SH3BP5: variants seen among roughly 807,000 people sequenced by gnomAD.
SH3BP5 encodes SH3 domain-binding protein 5.
In SH3BP5, 22 loss-of-function variants were observed where a neutral mutation model predicts 43.3. The ratio of observed to expected loss-of-function variants is 0.51; its 90% CI spans 0.36 to 0.73. SH3BP5 has a LOEUF of 0.73. Among genes scored for constraint, SH3BP5 ranks in the 30% least tolerant of loss-of-function variants. The pLI is 0.00. For synonymous variants in SH3BP5, 255 were observed against 225.8 expected (o/e 1.13, Z -1.16); for missense variants, 529 against 586.9 (o/e 0.90, Z 1.02).
chr3:15,290,351 C>T (rs1040689984), intron 3 of SH3BP5, among the ~76,000 whole-genome samples: 12 of 151,910 alleles, frequency 7.9e-5, no homozygotes, highest in Admixed American at 7.9e-4. Context: ...ACAGTGAAAT[C>T]CCATCTCTAC....
At chr3:15,330,047 C>CG (rs922466040) in intron 2 of SH3BP5, among the ~76,000 whole-genome samples, 25 of 152,190 alleles carry the variant, frequency 1.6e-4, no homozygotes, top group East Asian at 9.6e-4. Flanking sequence ...CAGAAGGAGG[C>CG]GGGGGGTGAG....
chr3:15,330,404 G>A, intron 2 of SH3BP5, 100 bp downstream of exon 2: 1 of 944,204 alleles, frequency 1.1e-6, no homozygotes. Context: ...AAGGAGGGGG[G>A]TCCAGCAATA....
At chr3:15,337,978 G>A (rs1331296501) in intron 1 of SH3BP5, among the ~76,000 whole-genome samples, 2 of 147,832 alleles carry the variant, frequency 1.4e-5, no homozygotes, top group African/African-American at 5.0e-5. Flanking sequence ...TCATTGTGAA[G>A]TTAAGACCCT....
intron 3 of SH3BP5, among the ~76,000 whole-genome samples, chr3:15,293,311 T>G (rs1559443485): frequency 6.6e-6 from 1 of 152,244 alleles, no homozygotes; most frequent in Non-Finnish European, 1.5e-5. Context: ...AGAACGTCAC[T>G]GAGCCAGACC....
intron 3 of SH3BP5, among the ~76,000 whole-genome samples, chr3:15,293,263 G>C (rs1027121302): frequency 1.3e-5 from 2 of 152,240 alleles, no homozygotes; most frequent in African/African-American, 4.8e-5. Flanking sequence ...GAACTGGCCT[G>C]TGGCCACCCA....
chr3:15,271,818 G>C (rs574272559), intron 3 of SH3BP5: 39 of 152,148 alleles, frequency 2.6e-4, no homozygotes, highest in Admixed American at 9.8e-4. Flanking sequence ...CCCAAGATGG[G>C]CCATGTGATG....
chr3:15,322,340 C>T (rs1031534384), intron 2 of SH3BP5, among the ~76,000 whole-genome samples: 8 of 151,948 alleles, frequency 5.3e-5, no homozygotes, highest in Admixed American at 4.6e-4. Flanking sequence ...CTAAGTAGAC[C>T]ATGGCCATTT....
intron 4 of SH3BP5, among the ~76,000 whole-genome samples, chr3:15,267,999 T>C (rs1208039948): frequency 8.5e-5 from 13 of 152,212 alleles, no homozygotes; most frequent in Non-Finnish European, 1.5e-4. Flanking sequence ...GTCCTTTTCA[T>C]ATCTATCGGG....
intron 3 of SH3BP5, among the ~76,000 whole-genome samples, chr3:15,293,874 T>TA (rs1575318907): frequency 6.6e-6 from 1 of 152,012 alleles, no homozygotes; most frequent in Non-Finnish European, 1.5e-5. Flanking sequence ...GGTCAGGAGT[T>TA]AGAGACCAGC....
intron 7 of SH3BP5, 96 bp from the exon 8 acceptor site, chr3:15,257,209 G>T (rs1247191913): frequency 2.4e-6 from 3 of 1,274,158 alleles, no homozygotes; most frequent in Non-Finnish European, 3.3e-6. Context: ...CAGCATGGGG[G>T]ACTAAAGAGT....
chr3:15,339,498 G>C (rs1222321946), intron 1 of SH3BP5, among the ~76,000 whole-genome samples: 3 of 152,008 alleles, frequency 2.0e-5, no homozygotes, highest in Admixed American at 6.6e-5. Flanking sequence ...GATCACCTGA[G>C]GTCAGGAGTT....
intron 2 of SH3BP5, among the ~76,000 whole-genome samples, chr3:15,307,253 G>A (rs761832161): frequency 6.6e-5 from 10 of 152,132 alleles, no homozygotes; most frequent in Non-Finnish European, 1.3e-4. Context: ...TATCAGACCA[G>A]GCTTAGGGTC....
intron 5 of SH3BP5, among the ~76,000 whole-genome samples, chr3:15,261,174 CCT>C (rs2125046945): frequency 6.6e-6 from 1 of 152,308 alleles, no homozygotes; most frequent in South Asian, 2.1e-4. Context: ...GAGATCAGCC[CCT>C]GACACACCAA....
intron 4 of SH3BP5, among the ~76,000 whole-genome samples, chr3:15,265,561 A>ACACACACACACACACACACACAC (rs1553613901): frequency 4.5e-4 from 20 of 44,496 alleles, no homozygotes; most frequent in African/African-American, 1.7e-3. Context: ...CACACACACA[A>ACACACACACACACACACACACAC]CCCTCCAGCT....
At chr3:15,277,014 G>A (rs975130265) in intron 3 of SH3BP5, among the ~76,000 whole-genome samples, 11 of 151,766 alleles carry the variant, frequency 7.2e-5, no homozygotes, top group Non-Finnish European at 1.3e-4. Flanking sequence ...GCAATGGTGC[G>A]ATCTCGGCTC....
intron 2 of SH3BP5, among the ~76,000 whole-genome samples, chr3:15,308,850 G>A (rs1559451924): frequency 6.6e-6 from 1 of 152,074 alleles, no homozygotes. Flanking sequence ...CTATGTGATG[G>A]GTTTTCTTCC....
chr3:15,335,439 T>C (rs996979650), upstream of SH3BP5, among the ~76,000 whole-genome samples: 3 of 152,158 alleles, frequency 2.0e-5, no homozygotes, highest in African/African-American at 7.2e-5. Context: ...TAGCAAGGCA[T>C]GGTAGCACAT....
At chr3:15,268,965 T>G (rs1285840569) in intron 4 of SH3BP5, among the ~76,000 whole-genome samples, 1 of 152,194 alleles carries the variant, frequency 6.6e-6, no homozygotes, top group Non-Finnish European at 1.5e-5. Context: ...TACCTACCAA[T>G]GCACTTCTCA....
At chr3:15,287,368 G>A (rs1177030254) in intron 3 of SH3BP5, among the ~76,000 whole-genome samples, 2 of 152,346 alleles carry the variant, frequency 1.3e-5, no homozygotes, top group Non-Finnish European at 2.9e-5. Context: ...CAAAGAAGCA[G>A]AGCTGACAAA....
Sources: gnomAD v4.1 joint callset for allele counts (sites outside exome capture counted in the v4.1 genomes callset) on GRCh38, gnomAD v4.1.1 for gene constraint, MANE v1.5 for transcripts, NCBI Gene and HGNC (gene_info 2026-07-23, HGNC 2026-07-21) for gene names.